FAT3: variants seen among roughly 807,000 people sequenced by gnomAD.
FAT3 encodes FAT atypical cadherin 3, also known as protocadherin Fat 3.
Under a neutral mutation model 310.2 loss-of-function variants are expected in FAT3, and 95 were observed. The observed-to-expected ratio is 0.31, with a 90% confidence interval of 0.26 to 0.36. The LOEUF (loss-of-function observed/expected upper bound fraction) is 0.36, where lower values mean the gene tolerates loss of function less well. Ranked by LOEUF, FAT3 falls within the 10% of genes least tolerant of loss-of-function variation. The probability of loss-of-function intolerance (pLI) is 1.00; values close to 1 mark genes in which losing one functional copy is unlikely to be tolerated. For missense variants in FAT3, 5,408 were observed against 5,715.6 expected (o/e 0.95, Z 1.74); for synonymous variants, 2,314 against 2,192.9 (o/e 1.06, Z -1.54).
At chr11:92,296,767 G>A (rs1410805838) in intron 1 of FAT3, among the ~76,000 whole-genome samples, 2 of 152,118 alleles carry the variant, frequency 1.3e-5, no homozygotes, top group African/African-American at 4.8e-5. Flanking sequence ...TGCGGATGGT[G>A]CCTGAAGTGA....
chr11:92,532,090 T>A (rs961427311), intron 3 of FAT3, among the ~76,000 whole-genome samples: 20 of 152,130 alleles, frequency 1.3e-4, no homozygotes, highest in South Asian at 4.1e-4. Flanking sequence ...CAAAATGAAA[T>A]GACTGACAAT....
chr11:92,688,048 T>A (rs576880718), intron 3 of FAT3, among the ~76,000 whole-genome samples: 1 of 151,790 alleles, frequency 6.6e-6, no homozygotes, highest in African/African-American at 2.4e-5. Flanking sequence ...AAAAAAAATT[T>A]TTTTAACTAG....
At chr11:92,530,817 A>G (rs1307830795) in intron 3 of FAT3, among the ~76,000 whole-genome samples, 3 of 152,036 alleles carry the variant, frequency 2.0e-5, no homozygotes, top group African/African-American at 7.2e-5. Flanking sequence ...GCACAGTTCC[A>G]TGTGGTGGTA....
intron 2 of FAT3, among the ~76,000 whole-genome samples, chr11:92,442,629 A>T (rs1951102063): frequency 6.6e-6 from 1 of 152,092 alleles, no homozygotes; most frequent in Non-Finnish European, 1.5e-5. Flanking sequence ...TGGCAAAGGG[A>T]ATTCAGGTGT....
intron 5 of FAT3, among the ~76,000 whole-genome samples, chr11:92,763,939 A>G (rs957664082): frequency 1.3e-5 from 2 of 152,212 alleles, no homozygotes; most frequent in African/African-American, 4.8e-5. Context: ...TGAGGGTGCT[A>G]TGCATTGTCA....
At chr11:92,268,793 T>A (rs995106644) in intron 1 of FAT3, among the ~76,000 whole-genome samples, 3 of 152,186 alleles carry the variant, frequency 2.0e-5, no homozygotes, top group African/African-American at 7.2e-5. Context: ...TTTAGAAACA[T>A]GTACAAAACA....
At chr11:92,592,019 A>G (rs1196896644) in intron 3 of FAT3, among the ~76,000 whole-genome samples, 2 of 152,162 alleles carry the variant, frequency 1.3e-5, no homozygotes, top group East Asian at 3.9e-4. Flanking sequence ...AATGTAAACC[A>G]TGGACTTTAG....
At chr11:92,871,641 G>A (rs1311926132) in intron 22 of FAT3, among the ~76,000 whole-genome samples, 1 of 152,118 alleles carries the variant, frequency 6.6e-6, no homozygotes, top group Non-Finnish European at 1.5e-5. Flanking sequence ...AGTATTTGCT[G>A]TCCACATCAG....
At chr11:92,348,657 C>T (rs1014717022) in intron 1 of FAT3, among the ~76,000 whole-genome samples, 1 of 152,096 alleles carries the variant, frequency 6.6e-6, no homozygotes. Context: ...TCAATTGAAG[C>T]GTGTTTCAGT....
intron 2 of FAT3, among the ~76,000 whole-genome samples, chr11:92,463,825 T>C (rs776374062): frequency 6.6e-6 from 1 of 152,194 alleles, no homozygotes; most frequent in Non-Finnish European, 1.5e-5. Flanking sequence ...TGAGCTTGAA[T>C]TGCAGTTCTC....
chr11:92,589,045 C>T (rs1355988676), intron 3 of FAT3, among the ~76,000 whole-genome samples: 2 of 151,998 alleles, frequency 1.3e-5, no homozygotes, highest in African/African-American at 4.8e-5. Flanking sequence ...AATAATTAAT[C>T]AGAGACAATG....
In FAT3 at chr11:92,353,834, C is replaced by T. The variant is rs552221485; in HGVS notation, c.1722C>T (p.Asn574=). The part of the protein sequence containing the change: ...VTIRIGNVND[N]SPLFEKVACQ... ...TTCGAATAGGAAATGTCAACGACAA[C>T]AGCCCTCTCTTTGAAAAAGTGGCTT... The change falls in exon 2 of 28, where the codon AAC becomes AAT. Residue 574 remains asparagine (N), a synonymous_variant. Coordinates refer to ENST00000525166, the MANE Select transcript of FAT3 (RefSeq NM_001367949.2). 75 of 1,613,636 alleles carry T rather than the reference C, an allele frequency of 4.6e-5. No individual in the cohort carries two copies. Among genetic ancestry groups the T allele is most frequent in the Non-Finnish European group, 1.4e-5 (17 of 1,179,800 alleles).
At chr11:92,467,175 G>T (rs1951785327) in intron 2 of FAT3, among the ~76,000 whole-genome samples, 2 of 152,074 alleles carry the variant, frequency 1.3e-5, no homozygotes, top group African/African-American at 2.4e-5. Context: ...CACAATGGTT[G>T]AACTAGTTTA....
intron 2 of FAT3, among the ~76,000 whole-genome samples, chr11:92,518,863 C>T (rs537510134): frequency 3.8e-4 from 57 of 151,602 alleles, no homozygotes; most frequent in African/African-American, 1.3e-3. Context: ...CTTTGTATAC[C>T]GAAACTATAA....
intron 1 of FAT3, among the ~76,000 whole-genome samples, chr11:92,312,939 A>G (rs1433435300): frequency 6.6e-6 from 1 of 152,136 alleles, no homozygotes; most frequent in Non-Finnish European, 1.5e-5. Context: ...ACAAAACAAA[A>G]CTCAAACAAC....
At chr11:92,504,678 T>C (rs1953047391) in intron 2 of FAT3, among the ~76,000 whole-genome samples, 1 of 152,070 alleles carries the variant, frequency 6.6e-6, no homozygotes. Context: ...CAACAAGATT[T>C]ACCTGTTAGC....
intron 3 of FAT3, among the ~76,000 whole-genome samples, chr11:92,581,115 G>C (rs1938771126): frequency 6.6e-6 from 1 of 151,894 alleles, no homozygotes; most frequent in African/African-American, 2.4e-5. Flanking sequence ...TACTTCCCTT[G>C]CTTTTGTTAC....
chr11:92,544,808 G>A (rs1954565257), intron 3 of FAT3, among the ~76,000 whole-genome samples: 1 of 152,140 alleles, frequency 6.6e-6, no homozygotes. Context: ...TGGTTGAGAG[G>A]GAACAGCCTT....
chr11:92,385,097 G>A (rs995951649), intron 2 of FAT3, among the ~76,000 whole-genome samples: 9 of 152,210 alleles, frequency 5.9e-5, no homozygotes, highest in Non-Finnish European at 1.2e-4. Context: ...GAATGTGAAT[G>A]TTTTCACTTG....
Sources: gnomAD v4.1 joint callset for allele counts (sites outside exome capture counted in the v4.1 genomes callset) on GRCh38, gnomAD v4.1.1 for gene constraint, MANE v1.5 for transcripts, NCBI Gene and HGNC (gene_info 2026-07-23, HGNC 2026-07-21) for gene names.